Variants in LHFPL3 observed in about 807,000 individuals in gnomAD.
LHFPL3 encodes LHFPL tetraspan subfamily member 3 protein.
Under a neutral mutation model 19.3 loss-of-function variants are expected in LHFPL3, and 5 were observed. The ratio of observed to expected loss-of-function variants is 0.26; its 90% CI spans 0.14 to 0.54. LHFPL3 has a LOEUF of 0.54. LHFPL3 is among the 20% of genes least tolerant of loss of function. The probability of loss-of-function intolerance (pLI) is 0.94; values close to 1 mark genes in which losing one functional copy is unlikely to be tolerated. For missense variants in LHFPL3, 249 were observed against 307.4 expected, an observed-to-expected ratio of 0.81 and a Z score of 1.42; for synonymous variants, 133 against 126.2, an observed-to-expected ratio of 1.05 and a Z score of -0.36.
intron 1 of LHFPL3, among the ~76,000 whole-genome samples, chr7:104,363,937 T>C (rs1790437366): frequency 6.6e-6 from 1 of 152,230 alleles, no homozygotes; most frequent in Non-Finnish European, 1.5e-5. Context: ...GTTTAAGCTA[T>C]TCAGCAGATC....
intron 1 of LHFPL3, among the ~76,000 whole-genome samples, chr7:104,557,736 G>C (rs1400269602): frequency 1.3e-5 from 2 of 151,206 alleles, no homozygotes; most frequent in South Asian, 4.2e-4. Context: ...GTGCAGGTTA[G>C]TTACATATGT....
intron 2 of LHFPL3, among the ~76,000 whole-genome samples, chr7:104,823,103 T>C (rs1199103387): frequency 6.6e-6 from 1 of 152,166 alleles, no homozygotes; most frequent in African/African-American, 2.4e-5. Context: ...TGATCGTGTA[T>C]GCTATGGAAC....
intron 1 of LHFPL3, among the ~76,000 whole-genome samples, chr7:104,653,752 C>A (rs1792074677): frequency 6.6e-6 from 1 of 152,152 alleles, no homozygotes; most frequent in Non-Finnish European, 1.5e-5. Context: ...CCTGCAGGGA[C>A]TTTTTCATGA....
intron 1 of LHFPL3, among the ~76,000 whole-genome samples, chr7:104,503,732 G>A (rs1309703583): frequency 6.6e-6 from 1 of 151,924 alleles, no homozygotes; most frequent in African/African-American, 2.4e-5. Context: ...ACCACACCCA[G>A]CTAATTTTTG....
At chr7:104,404,812 A>G (rs1169934660) in intron 1 of LHFPL3, among the ~76,000 whole-genome samples, 2 of 152,136 alleles carry the variant, frequency 1.3e-5, no homozygotes, top group Non-Finnish European at 2.9e-5. Flanking sequence ...ACCATTTTGT[A>G]CTTTGATCCT....
chr7:104,784,209 GA>G (rs1789869548), intron 2 of LHFPL3, among the ~76,000 whole-genome samples: 1 of 152,124 alleles, frequency 6.6e-6, no homozygotes, highest in Non-Finnish European at 1.5e-5. Context: ...TCCAAATTAT[GA>G]AAAACATTTC....
At position 104,781,407 on chromosome 7, in the gene LHFPL3, T is replaced by A. The variant is rs1210439471; in HGVS notation, c.682+44496T>A. Among the ~76,000 whole-genome samples, 5 of 151,774 alleles carry A rather than the reference T, an allele frequency of 3.3e-5. No individual in the cohort carries two copies. The East Asian group carries it at 5.8e-4, about 18-fold the overall frequency. On this transcript the variant is annotated intron_variant, in intron 2 of 2. Coordinates refer to ENST00000424859, the MANE Select transcript of LHFPL3 (RefSeq NM_199000.3). ...CTCTCCTGTCACAGTGGAAGAGGGG[T>A]CCCTCCTTCTGTGTCAGCCAAATTC...
chr7:104,593,253 G>T (rs1468878612), intron 1 of LHFPL3, among the ~76,000 whole-genome samples: 1 of 151,906 alleles, frequency 6.6e-6, no homozygotes, highest in Non-Finnish European at 1.5e-5. Context: ...TGTTCTCGTT[G>T]GTTTCAAAGA....
chr7:104,463,980 C>A (rs1792726285), intron 1 of LHFPL3, among the ~76,000 whole-genome samples: 1 of 152,168 alleles, frequency 6.6e-6, no homozygotes, highest in Non-Finnish European at 1.5e-5. Context: ...AAAGTCTCAC[C>A]TGAGACAAGG....
chr7:104,729,904 C>G (rs1368126091), intron 1 of LHFPL3, among the ~76,000 whole-genome samples: 1 of 151,676 alleles, frequency 6.6e-6, no homozygotes, highest in Non-Finnish European at 1.5e-5. Context: ...ACTCCCCCCA[C>G]CCCACAACAG....
At chr7:104,519,271 A>G (rs1268330046) in intron 1 of LHFPL3, among the ~76,000 whole-genome samples, 1 of 152,118 alleles carries the variant, frequency 6.6e-6, no homozygotes, top group Non-Finnish European at 1.5e-5. Flanking sequence ...GAGGTTTCAG[A>G]ACTCATGCTG....
Position 104,856,240 on chromosome 7 carries a change from A to AT in LHFPL3, c.683-49919dup, listed in dbSNP as rs750683276. ...AGATCTCCTGATTCTGTCCCAGGAAATTTTTTTTTTTTTTTTTTTTTTTTT... is the reference window on the plus strand; with the variant it reads ...AGATCTCCTGATTCTGTCCCAGGAAATTTTTTTTTTTTTTTTTTTTTTTTTT... On this transcript the variant is annotated intron_variant, in intron 2 of 2. Coordinates refer to ENST00000424859, the MANE Select transcript of LHFPL3 (RefSeq NM_199000.3). 6.4e-4 allele frequency among the ~76,000 whole-genome samples: 44 copies of AT among 68,906 alleles called. 1 individual carries two copies. Among genetic ancestry groups the AT allele is most frequent in the Non-Finnish European group, 8.6e-4 (33 of 38,562 alleles). 45.2% of individuals were successfully genotyped at this position (68,906 alleles called of 152,430 possible). A position where few individuals can be genotyped will look rare whatever the true frequency, so the allele number is the denominator to read the frequency against.
chr7:104,485,145 A>G (rs934864310), intron 1 of LHFPL3, among the ~76,000 whole-genome samples: 2 of 152,318 alleles, frequency 1.3e-5, no homozygotes, highest in African/African-American at 4.8e-5. Flanking sequence ...TTAAAAATAT[A>G]CAGTGAAAAT....
chr7:104,521,523 A>G (rs1451282131), intron 1 of LHFPL3, among the ~76,000 whole-genome samples: 2 of 151,888 alleles, frequency 1.3e-5, no homozygotes, highest in African/African-American at 4.8e-5. Context: ...GCAACAAAAG[A>G]CAAAATTGAC....
At chr7:104,482,939 T>C (rs115319082) in intron 1 of LHFPL3, among the ~76,000 whole-genome samples, 2 of 152,352 alleles carry the variant, frequency 1.3e-5, no homozygotes, top group African/African-American at 2.4e-5. Flanking sequence ...GTTTATTATC[T>C]GCCCGTATTG....
At chr7:104,464,943 C>T (rs573584103) in intron 1 of LHFPL3, among the ~76,000 whole-genome samples, 1 of 152,322 alleles carries the variant, frequency 6.6e-6, no homozygotes, top group Middle Eastern at 3.4e-3. Flanking sequence ...TCTTTTCTAT[C>T]ACATTGTCAG....
intron 1 of LHFPL3, among the ~76,000 whole-genome samples, chr7:104,371,889 C>T (rs1790623409): frequency 6.6e-6 from 1 of 152,182 alleles, no homozygotes; most frequent in Non-Finnish European, 1.5e-5. Flanking sequence ...CATATTTTCC[C>T]TGGCAGATTT....
At chr7:104,715,379 A>G (rs1460368394) in intron 1 of LHFPL3, among the ~76,000 whole-genome samples, 1 of 152,186 alleles carries the variant, frequency 6.6e-6, no homozygotes, top group African/African-American at 2.4e-5. Context: ...TTTACTTTGA[A>G]CAATTTTTTT....
chr7:104,841,380 C>T (rs114865496), intron 2 of LHFPL3, among the ~76,000 whole-genome samples: 1 of 152,222 alleles, frequency 6.6e-6, no homozygotes, highest in African/African-American at 2.4e-5. Flanking sequence ...TTTATTTTCT[C>T]CATCCTAGGA....
Sources: allele counts gnomAD v4.1 joint callset (sites outside exome capture counted in the v4.1 genomes callset), GRCh38; gene constraint gnomAD v4.1.1; transcripts MANE v1.5; gene names NCBI Gene and HGNC (gene_info 2026-07-23, HGNC 2026-07-21).